Variants in PLCZ1 observed in about 807,000 individuals in gnomAD.
PLCZ1 encodes the protein phospholipase C zeta 1.
Under a neutral mutation model 76.8 loss-of-function variants are expected in PLCZ1, and 64 were observed. The observed-to-expected ratio is 0.83, with a 90% CI of 0.68 to 1.03. The LOEUF is 1.03. Among genes scored for constraint, PLCZ1 ranks in the 50% least tolerant of loss-of-function variants. PLCZ1 has a pLI of 0.00. For missense variants in PLCZ1, 751 were observed against 713.7 expected, an observed-to-expected ratio of 1.05 and a Z score of -0.60; for synonymous variants, 248 against 230.8, an observed-to-expected ratio of 1.07 and a Z score of -0.68.
chr12:18,657,676 A>T, the PLCZ1 span, among the ~76,000 whole-genome samples: 1 of 152,342 alleles, frequency 6.6e-6, no homozygotes, highest in Middle Eastern at 3.4e-3. Flanking sequence ...ACAAACAACT[A>T]CTATAATAAG....
At chr12:18,698,630 A>G (rs1471892) in intron 10 of PLCZ1, among the ~76,000 whole-genome samples, 47,570 of 151,814 alleles carry the variant, frequency 0.31, 8,372 homozygotes, top group East Asian at 0.51. Context: ...GGTAGATTGC[A>G]TTTTTTTAAC....
rs983663409 is a variant in PLCZ1, at chr12:18,723,428, G to A, written c.250C>T (p.Arg84Trp). The change falls in exon 4 of 15, where the codon CGG becomes TGG. Residue 84 changes from arginine to tryptophan, a missense_variant. Transcript: ENST00000266505. Reference protein sequence around the residue: ...IEIFNTYSENRKILLASNLAQ... With the variant: ...IEIFNTYSENWKILLASNLAQ... ...AGATTACTTGCTAAAAGAATTTTCCGGTTTTCAGAATATGTGTTGAAAATC... is the reference window on the plus strand; with the variant it reads ...AGATTACTTGCTAAAAGAATTTTCCAGTTTTCAGAATATGTGTTGAAAATC... The A allele has an allele frequency of 5.0e-6, 8 of 1,612,746 alleles. No individual in the cohort carries two copies. Among genetic ancestry groups the A allele is most frequent in the East Asian group, 4.5e-5 (2 of 44,750 alleles).
chr12:18,694,077 C>A, intron 12 of PLCZ1: 2 of 1,222,446 alleles, frequency 1.6e-6, no homozygotes, highest in South Asian at 1.2e-5. Context: ...CAGGAAGACA[C>A]CCCTGAGGGG....
chr12:18,645,793 A>G, the PLCZ1 span, among the ~76,000 whole-genome samples: 2 of 152,198 alleles, frequency 1.3e-5, no homozygotes, highest in African/African-American at 4.8e-5. Flanking sequence ...ATTCATGAAA[A>G]TATAAATTAT....
the PLCZ1 span, among the ~76,000 whole-genome samples, chr12:18,655,007 G>C: frequency 7.9e-5 from 12 of 151,688 alleles, no homozygotes; most frequent in African/African-American, 2.9e-4. Flanking sequence ...TGAATAAAAA[G>C]TTATAAACCC....
At chr12:18,715,005 T>C (rs1453741982) in intron 5 of PLCZ1, 1 of 151,134 alleles carries the variant, frequency 6.6e-6, no homozygotes, top group Non-Finnish European at 1.5e-5. Context: ...AGAAAATGAA[T>C]CTTTTAGATT....
intron 4 of PLCZ1, among the ~76,000 whole-genome samples, chr12:18,722,202 T>A (rs74065906): frequency 0.019 from 572 of 29,428 alleles, 4 homozygotes; most frequent in African/African-American, 0.048. Context: ...CCAGGTCATT[T>A]ACTCTCCATC....
chr12:18,659,349 C>T, the PLCZ1 span, among the ~76,000 whole-genome samples: 20 of 152,190 alleles, frequency 1.3e-4, no homozygotes, highest in Non-Finnish European at 1.9e-4. Context: ...CACAGCCATA[C>T]GCTTGTAACT....
intron 6 of PLCZ1, among the ~76,000 whole-genome samples, chr12:18,708,635 G>A (rs569157168): frequency 3.9e-4 from 60 of 152,210 alleles, no homozygotes; most frequent in Middle Eastern, 6.8e-3. Context: ...TCAGTGTACA[G>A]GGTTCCCTTT....
At chr12:18,737,179 G>T (rs1959440532) in intron 2 of PLCZ1, among the ~76,000 whole-genome samples, 182 bp downstream of exon 2, 1 of 152,118 alleles carries the variant, frequency 6.6e-6, no homozygotes, top group Non-Finnish European at 1.5e-5. Flanking sequence ...TCATGTTCTT[G>T]TAAGAAAAAG....
the PLCZ1 span, among the ~76,000 whole-genome samples, chr12:18,654,072 T>C: frequency 2.6e-5 from 4 of 151,936 alleles, no homozygotes; most frequent in Non-Finnish European, 5.9e-5. Context: ...ATAGAATGTG[T>C]CAAACTGAGT....
At chr12:18,689,488 T>C (rs371263776) in intron 12 of PLCZ1, among the ~76,000 whole-genome samples, 1 of 152,154 alleles carries the variant, frequency 6.6e-6, no homozygotes, top group Non-Finnish European at 1.5e-5. Flanking sequence ...TAGTGTATTT[T>C]ATGTGTGGCC....
At chr12:18,700,051 C>A in intron 9 of PLCZ1, 101 bp from the exon 10 acceptor site, 1 of 1,012,524 alleles carries the variant, frequency 9.9e-7, no homozygotes, top group Non-Finnish European at 1.5e-6. Flanking sequence ...TGATTTTCAT[C>A]TTTTCATAAG....
chr12:18,683,180 T>A lies in PLCZ1; in HGVS notation c.*59A>T. On this transcript the variant is annotated 3_prime_UTR_variant, in exon 15 of 15. Coordinates refer to ENST00000266505, the MANE Select transcript of PLCZ1 (RefSeq NM_033123.4). ...GTTTAAAAAAGAAAACATAAAGACA[T>A]TCATTTTGGCTGTTTTATTGCGATG... 1 of 1,408,694 alleles carries A rather than the reference T, an allele frequency of 7.1e-7. No homozygotes were observed. The highest frequency in any genetic ancestry group is 1.4e-5 in the African/African-American group (1 of 70,778). 87.3% of individuals were successfully genotyped at this position (1,408,694 alleles called of 1,614,324 possible).
the PLCZ1 span, among the ~76,000 whole-genome samples, chr12:18,658,592 AAAAT>A: frequency 6.6e-6 from 1 of 152,170 alleles, no homozygotes; most frequent in Non-Finnish European, 1.5e-5. Context: ...CTATTTTTGA[AAAAT>A]AAAGGAGAAT....
At chr12:18,731,546 T>TC (rs1959050056) in intron 3 of PLCZ1, among the ~76,000 whole-genome samples, 1 of 148,412 alleles carries the variant, frequency 6.7e-6, no homozygotes, top group Non-Finnish European at 1.5e-5. Flanking sequence ...TTTTTTTTTT[T>TC]TTTTTTTTTT....
At position 18,704,339 on chromosome 12, in the gene PLCZ1, C is replaced by G. The variant is rs867360269; in HGVS notation, c.864+827G>C. Among the ~76,000 whole-genome samples, 5 of 151,708 alleles carry G rather than the reference C, an allele frequency of 3.3e-5. No individual in the cohort carries two copies. In the Middle Eastern group the frequency reaches 0.01, roughly 310 times the overall value. On this transcript the variant is annotated intron_variant, in intron 7 of 14. Transcript: ENST00000266505. ...GAGGGAGTAATTCCTTTCTTTTTTT[C>G]AATATGAAGGAGTTTTGTTCTTTTT... is the stretch of plus-strand genomic sequence containing the variant.
rs1958575292 is a variant in PLCZ1 at position 18,723,498 on chromosome 12, A to C, written c.180T>G (p.Phe60Leu). The change falls in exon 4 of 15, where the codon TTT (phenylalanine) becomes TTG (leucine). Residue 60 changes from phenylalanine to leucine, a missense_variant. Transcript: ENST00000266505. ...LKQGRITIEE[F>L]RAIYRIITHR... The stretch of plus-strand genomic sequence containing the variant: ...GCGTGATAATTCGATAAATTGCTCT[A>C]AATTCTTCTATGGTGATTCTTCCTT... 3 of 1,612,736 alleles carry C rather than the reference A, an allele frequency of 1.9e-6. No individual in the cohort carries two copies. The African/African-American group carries it at 4.0e-5, about 22-fold the overall frequency.
At chr12:18,661,264 G>A in the PLCZ1 span, among the ~76,000 whole-genome samples, 33 of 152,040 alleles carry the variant, frequency 2.2e-4, no homozygotes, top group African/African-American at 7.7e-4. Flanking sequence ...ATTTCCAAGT[G>A]TGATGAGATA....
Sources: gnomAD v4.1 joint callset for allele counts (sites outside exome capture counted in the v4.1 genomes callset) on GRCh38, gnomAD v4.1.1 for gene constraint, MANE v1.5 for transcripts, NCBI Gene and HGNC (gene_info 2026-07-23, HGNC 2026-07-21) for gene names.